Variants in TEX36 observed in about 807,000 individuals in gnomAD.
TEX36 encodes the protein testis expressed 36.
Under a neutral mutation model 13.6 loss-of-function variants are expected in TEX36, and 12 were observed. The ratio of observed to expected loss-of-function variants is 0.88; its 90% CI spans 0.56 to 1.43. TEX36 has a LOEUF of 1.43. Ranked by LOEUF, TEX36 falls within the 40% of genes most tolerant of loss-of-function variation. The pLI is 0.00. For missense variants in TEX36, 224 were observed against 228.3 expected, an observed-to-expected ratio of 0.98 and a Z score of 0.12; for synonymous variants, 93 against 83.0, an observed-to-expected ratio of 1.12 and a Z score of -0.65.
chr10:125,629,493 AT>A (rs1565178525), intron 3 of TEX36, among the ~76,000 whole-genome samples: 3 of 152,246 alleles, frequency 2.0e-5, no homozygotes, highest in African/African-American at 7.2e-5. Flanking sequence ...ATAATGAAGC[AT>A]TATTTAATCC....
At chr10:125,670,282 C>T (rs901941891) in intron 1 of TEX36, among the ~76,000 whole-genome samples, 5 of 152,196 alleles carry the variant, frequency 3.3e-5, no homozygotes, top group Non-Finnish European at 4.4e-5. Context: ...TTAATAATTG[C>T]CATTCTGACT....
intron 2 of TEX36, 113 bp downstream of exon 2, chr10:125,661,733 T>G: frequency 7.2e-7 from 1 of 1,385,892 alleles, no homozygotes; most frequent in Non-Finnish European, 9.7e-7. Context: ...GGTCCAAGGA[T>G]AGTAAATGCG....
chr10:125,671,697 G>A (rs1847232958), intron 1 of TEX36, among the ~76,000 whole-genome samples: 1 of 152,160 alleles, frequency 6.6e-6, no homozygotes, highest in Admixed American at 6.6e-5. Context: ...AAAAGTTTCA[G>A]GAGAAATGAT....
intron 3 of TEX36, among the ~76,000 whole-genome samples, chr10:125,626,488 T>C (rs926520615): frequency 1.3e-5 from 2 of 152,236 alleles, no homozygotes; most frequent in Non-Finnish European, 2.9e-5. Context: ...TTCATTCATT[T>C]ACTCCTCATC....
At chr10:125,645,621 A>G (rs890133035) in intron 3 of TEX36, among the ~76,000 whole-genome samples, 1 of 152,254 alleles carries the variant, frequency 6.6e-6, no homozygotes, top group Non-Finnish European at 1.5e-5. Context: ...TTACATTATT[A>G]TTCCAGATAT....
intron 3 of TEX36, among the ~76,000 whole-genome samples, chr10:125,587,710 TG>T (rs1845972668): frequency 6.8e-6 from 1 of 148,110 alleles, no homozygotes; most frequent in South Asian, 2.1e-4. Context: ...TTGCTTGAAC[TG>T]GGAGGTAGAG....
At chr10:125,622,216 C>G (rs533886760) in intron 3 of TEX36, among the ~76,000 whole-genome samples, 9 of 152,170 alleles carry the variant, frequency 5.9e-5, no homozygotes, top group Non-Finnish European at 1.3e-4. Flanking sequence ...AGCTATCCTT[C>G]GTACAACAAG....
At chr10:125,650,669 T>G (rs1846837503) in intron 3 of TEX36, among the ~76,000 whole-genome samples, 1 of 151,624 alleles carries the variant, frequency 6.6e-6, no homozygotes, top group African/African-American at 2.4e-5. Flanking sequence ...CTGAAGGAGA[T>G]AGAGACACAA....
chr10:125,626,272 C>T (rs2133563909), intron 3 of TEX36, among the ~76,000 whole-genome samples: 1 of 152,276 alleles, frequency 6.6e-6, no homozygotes, highest in South Asian at 2.1e-4. Context: ...GCTGGGGACC[C>T]AACCTGCAAC....
chr10:125,661,698 G>A lies in TEX36; in HGVS notation c.183+148C>T, dbSNP rs1847045466. 4.5e-5 allele frequency: 45 copies of A among 990,954 alleles called. No individual in the cohort carries two copies. The South Asian group carries it at 7.3e-4, about 16-fold the overall frequency. The allele number at this position is 990,954 out of a possible 1,614,324, so 61.4% of individuals were successfully genotyped here. On this transcript the variant is annotated intron_variant, in intron 2 of 3. Transcript: ENST00000368821. The stretch of plus-strand genomic sequence containing the variant: ...CCTGCCGCAGAGCACCAGGGTATGG[G>A]GTGGGGATACTACCAACCCTTAGGG...
chr10:125,611,567 A>G (rs1376727230), intron 3 of TEX36, among the ~76,000 whole-genome samples: 1 of 152,162 alleles, frequency 6.6e-6, no homozygotes, highest in Non-Finnish European at 1.5e-5. Flanking sequence ...CAGTAGGTGC[A>G]GGTATCTTTT....
At chr10:125,669,366 G>A (rs935187183) in intron 1 of TEX36, among the ~76,000 whole-genome samples, 1 of 151,994 alleles carries the variant, frequency 6.6e-6, no homozygotes, top group Non-Finnish European at 1.5e-5. Flanking sequence ...TGTAATCCCA[G>A]CTACTCGGAA....
Position 125,641,105 on chromosome 10 carries a change from C to G in TEX36, c.265-19460G>C, listed in dbSNP as rs372601905. On this transcript the variant is annotated intron_variant, in intron 3 of 3. Transcript: ENST00000526819. ...ATGTCCTGAACTTTGATTGGAGCTG[C>G]AATTGACCACTAAACTGCAATGTAG... Among the ~76,000 whole-genome samples the G allele has an allele frequency of 2.0e-5, 3 of 152,170 alleles. No individual in the cohort carries two copies. In the East Asian group the frequency reaches 5.8e-4, roughly 29 times the overall value.
At position 125,581,331 on chromosome 10, in the gene TEX36, C is replaced by G. The variant is rs74162826; in HGVS notation, c.265-4457G>C. Among the ~76,000 whole-genome samples the G allele has an allele frequency of 8.5e-3, 1,297 of 152,226 alleles. 18 individuals carry two copies. Among genetic ancestry groups the G allele is most frequent in the African/African-American group, 0.03 (1,254 of 41,518 alleles). ...CGATGGCTTCTCAGAGGGTCCCTAC[C>G]AGAAAGGCCCTGTTGCCCCTAGCAT... is the stretch of plus-strand genomic sequence containing the variant. On this transcript the variant is annotated intron_variant, in intron 3 of 3. Coordinates refer to the TEX36 transcript ENST00000532135.
At chr10:125,649,218 T>C (rs1243609725) in intron 3 of TEX36, among the ~76,000 whole-genome samples, 1 of 151,984 alleles carries the variant, frequency 6.6e-6, no homozygotes, top group Non-Finnish European at 1.5e-5. Context: ...TTCACCAAAG[T>C]TGAAATGAAG....
chr10:125,680,112 A>G (rs1847371814), intron 1 of TEX36, among the ~76,000 whole-genome samples: 2 of 152,222 alleles, frequency 1.3e-5, no homozygotes, highest in South Asian at 4.1e-4. Flanking sequence ...TATTTTTAAA[A>G]TGTTTTCCAA....
At chr10:125,638,419 GAGA>G (rs1402664106) in intron 3 of TEX36, among the ~76,000 whole-genome samples, 2 of 152,200 alleles carry the variant, frequency 1.3e-5, no homozygotes, top group African/African-American at 4.8e-5. Flanking sequence ...ATGGCAGTGA[GAGA>G]AGGTCTCAGC....
intron 1 of TEX36, among the ~76,000 whole-genome samples, chr10:125,669,178 C>T: frequency 6.6e-6 from 1 of 152,168 alleles, no homozygotes; most frequent in East Asian, 1.9e-4. Context: ...GTAGTCCCAG[C>T]TACTCGGGAG....
intron 3 of TEX36, among the ~76,000 whole-genome samples, chr10:125,581,067 G>A (rs970423174): frequency 7.9e-5 from 12 of 152,002 alleles, no homozygotes; most frequent in African/African-American, 2.2e-4. Context: ...CCATAGCCCC[G>A]GCCCACCTGA....
Sources: allele counts gnomAD v4.1 joint callset (sites outside exome capture counted in the v4.1 genomes callset), GRCh38; gene constraint gnomAD v4.1.1; transcripts MANE v1.5; gene names NCBI Gene and HGNC (gene_info 2026-07-23, HGNC 2026-07-21).